The following ACOT12 variants were observed in gnomAD, a reference collection of about 807,000 sequenced individuals.
ACOT12 encodes the protein acetyl-coenzyme A thioesterase.
A neutral mutation model predicts 67.7 loss-of-function variants in ACOT12; 51 were observed. The ratio of observed to expected loss-of-function variants is 0.75; its 90% CI spans 0.60 to 0.95. The LOEUF (loss-of-function observed/expected upper bound fraction) is 0.95, where lower values mean the gene tolerates loss of function less well. Ranked by LOEUF, ACOT12 falls within the 40% of genes least tolerant of loss-of-function variation. The pLI, the probability that ACOT12 is intolerant of heterozygous loss-of-function variation, is 0.00. For synonymous variants in ACOT12, 251 were observed against 244.6 expected (o/e 1.03, Z -0.24); for missense variants, 734 against 708.1 (o/e 1.04, Z -0.41).
At chr5:81,378,657 C>T (rs1760489790) in intron 2 of ACOT12, among the ~76,000 whole-genome samples, 1 of 152,076 alleles carries the variant, frequency 6.6e-6, no homozygotes, top group Admixed American at 6.5e-5. Flanking sequence ...ACAACCCCAT[C>T]AAAAAGTGGG....
At chr5:81,368,274 A>G (rs1000735589) in intron 3 of ACOT12, among the ~76,000 whole-genome samples, 3 of 152,146 alleles carry the variant, frequency 2.0e-5, no homozygotes, top group African/African-American at 7.2e-5. Context: ...CCTGGGAGAC[A>G]GTTCAAGACT....
chr5:81,362,446 A>G (rs891012208), intron 4 of ACOT12, among the ~76,000 whole-genome samples: 9 of 152,304 alleles, frequency 5.9e-5, no homozygotes, highest in African/African-American at 9.6e-5. Flanking sequence ...GATTACAGGC[A>G]TGAGCCACCA....
Position 81,371,752 on chromosome 5 carries a change from C to G in ACOT12, c.256G>C (p.Glu86Gln). 1 of 1,614,094 alleles carries G rather than the reference C, an allele frequency of 6.2e-7. No homozygotes were observed. Among genetic ancestry groups the G allele is most frequent in the Non-Finnish European group, 8.5e-7 (1 of 1,179,956 alleles). Reference sequence around the variant, plus strand: ...ATGTTTGAAAAGGTGCCTCTTACCTCCATGCTTGTGCTGAATGCTCTAGTA... The same window carrying G: ...ATGTTTGAAAAGGTGCCTCTTACCTGCATGCTTGTGCTGAATGCTCTAGTA... Reference protein sequence around the residue: ...KVTRAFSTSMEISIKVMVQDM... With the variant: ...KVTRAFSTSMQISIKVMVQDM... Residue 86 changes from glutamate to glutamine, a missense_variant and splice_region_variant, in exon 3 of 15, where the codon GAG becomes CAG. Coordinates refer to ENST00000307624, the MANE Select transcript of ACOT12 (RefSeq NM_130767.3).
intron 5 of ACOT12, among the ~76,000 whole-genome samples, chr5:81,357,546 C>T (rs1759755667): frequency 6.6e-6 from 1 of 152,014 alleles, no homozygotes; most frequent in South Asian, 2.1e-4. Context: ...CAGCACCTCA[C>T]GCATCACAGG....
At chr5:81,357,677 T>C (rs183269575) in intron 5 of ACOT12, among the ~76,000 whole-genome samples, 10 of 152,190 alleles carry the variant, frequency 6.6e-5, no homozygotes, top group African/African-American at 2.4e-4. Flanking sequence ...GCAGTTCTTG[T>C]AAGAATCTCT....
At chr5:81,374,696 A>C (rs1053238214) in intron 2 of ACOT12, among the ~76,000 whole-genome samples, 7 of 152,198 alleles carry the variant, frequency 4.6e-5, no homozygotes, top group African/African-American at 1.7e-4. Context: ...ATGAAGCATA[A>C]ACAAGTATCA....
At chr5:81,323,805 A>G in the ACOT12 span, among the ~76,000 whole-genome samples, 2 of 150,626 alleles carry the variant, frequency 1.3e-5, no homozygotes, top group African/African-American at 2.4e-5. Flanking sequence ...GATAGGTTTT[A>G]TATATATATG....
intron 12 of ACOT12, among the ~76,000 whole-genome samples, chr5:81,335,200 C>T (rs1321493802): frequency 1.3e-5 from 2 of 152,086 alleles, no homozygotes; most frequent in Non-Finnish European, 2.9e-5. Context: ...AATCTTGGCA[C>T]GTCTCAGAAC....
chr5:81,333,156 C>T (rs77721270), intron 12 of ACOT12, among the ~76,000 whole-genome samples: 3,452 of 151,958 alleles, frequency 0.023, 56 homozygotes, highest in Middle Eastern at 0.045. Flanking sequence ...GGATGGTGGC[C>T]ATCTGACTTC....
At chr5:81,332,172 T>C (rs1336069501) in intron 13 of ACOT12, among the ~76,000 whole-genome samples, 1 of 152,222 alleles carries the variant, frequency 6.6e-6, no homozygotes, top group Non-Finnish European at 1.5e-5. Flanking sequence ...TGATGTCTTA[T>C]TTGGCTTCCA....
intron 1 of ACOT12, 76 bp downstream of exon 1, chr5:81,393,911 AC>A (rs113262451): frequency 0.1 from 123,706 of 1,223,842 alleles, 6,594 homozygotes; most frequent in African/African-American, 0.18. Context: ...TCGCCTTCCT[AC>A]CCCCCCCAGC....
chr5:81,343,671 T>G, intron 10 of ACOT12, 147 bp downstream of exon 10: 1 of 752,632 alleles, frequency 1.3e-6, no homozygotes, highest in Non-Finnish European at 2.1e-6. Context: ...ATAGCCTGGT[T>G]TTGTTTCATC....
intron 12 of ACOT12, among the ~76,000 whole-genome samples, chr5:81,333,592 A>G (rs1758900406): frequency 6.6e-6 from 1 of 152,238 alleles, no homozygotes; most frequent in African/African-American, 2.4e-5. Flanking sequence ...GTCAAGTGAC[A>G]TAGAGATAGT....
rs893795504 is a variant in ACOT12 at position 81,364,367 on chromosome 5, G to A, written c.259-478C>T. Among the ~76,000 whole-genome samples, 11 of 150,958 alleles carry A rather than the reference G, an allele frequency of 7.3e-5. 1 individual carries two copies. In the South Asian group the frequency reaches 8.4e-4, roughly 11 times the overall value. ...ATTACATACATATGACATGAAATAC[G>A]TGTGTGTATATATGCATGTGTATAT... On this transcript the variant is annotated intron_variant, in intron 3 of 14. Transcript: ENST00000307624.
intron 11 of ACOT12, among the ~76,000 whole-genome samples, chr5:81,338,436 C>G (rs1326941982): frequency 6.6e-6 from 1 of 152,178 alleles, no homozygotes; most frequent in Non-Finnish European, 1.5e-5. Flanking sequence ...ACCTCCCCCT[C>G]TCTCTTCCTC....
In ACOT12 at chr5:81,359,904, A is replaced by G; in HGVS notation, c.495T>C (p.Asp165=). Residue 165 remains aspartate, a splice_region_variant and synonymous_variant, in exon 5 of 15, where the codon GAT becomes GAC. Transcript: ENST00000307624. ...ATTCTTATAAGTGGATTTACTGACC[A>G]TCAAATTTGCTACTTTCCTTCATTA... ...NNLMKESSKF[D]DLIFDEEEGA... 1 of 1,604,188 alleles carries G rather than the reference A, an allele frequency of 6.2e-7. No individual in the cohort carries two copies. Among genetic ancestry groups the G allele is most frequent in the Non-Finnish European group, 8.5e-7 (1 of 1,177,666 alleles).
chr5:81,313,338 C>G, the ACOT12 span: 2 of 152,088 alleles, frequency 1.3e-5, no homozygotes, highest in Admixed American at 6.5e-5. Flanking sequence ...ATTGAAATAT[C>G]TCAGTTTAAC....
chr5:81,365,807 G>A (rs923201274), intron 3 of ACOT12, among the ~76,000 whole-genome samples: 1 of 152,206 alleles, frequency 6.6e-6, no homozygotes, highest in Non-Finnish European at 1.5e-5. Flanking sequence ...GGTTAGGTTA[G>A]AGAAGAAAAA....
the ACOT12 span, chr5:81,311,172 A>AGT: frequency 6.2e-7 from 1 of 1,611,040 alleles, no homozygotes; most frequent in Non-Finnish European, 8.5e-7. Context: ...ACCCCTTGCA[A>AGT]GTATGAGATG....
Sources: gnomAD v4.1 joint callset for allele counts (sites outside exome capture counted in the v4.1 genomes callset) on GRCh38, gnomAD v4.1.1 for gene constraint, MANE v1.5 for transcripts, NCBI Gene and HGNC (gene_info 2026-07-23, HGNC 2026-07-21) for gene names.